The following NAV2 variants were observed in gnomAD, a reference collection of about 807,000 sequenced individuals.
NAV2 encodes neuron navigator 2.
NAV2 carries 54 observed loss-of-function variants against 223.2 expected under a neutral mutation model. The observed-to-expected ratio is 0.24, with a 90% CI of 0.19 to 0.30. The LOEUF is 0.30. NAV2 is among the 10% of genes least tolerant of loss of function. NAV2 has a pLI of 1.00. For missense variants in NAV2, 2,806 were observed against 3,147.5 expected (o/e 0.89, Z 2.60); for synonymous variants, 1,279 against 1,239.3 (o/e 1.03, Z -0.67).
intron 1 of NAV2, among the ~76,000 whole-genome samples, chr11:19,576,067 T>C (rs906234689): frequency 6.6e-6 from 1 of 152,182 alleles, no homozygotes; most frequent in Non-Finnish European, 1.5e-5. Context: ...TCACATCTAG[T>C]GTATGGCAGA....
intron 17 of NAV2, among the ~76,000 whole-genome samples, chr11:20,051,537 G>GT (rs2058009500): frequency 6.6e-6 from 1 of 152,182 alleles, no homozygotes; most frequent in Non-Finnish European, 1.5e-5. Flanking sequence ...AGCAGGGGCT[G>GT]TGCTTTTTCA....
chr11:19,691,651 T>TC (rs2049177976), intron 1 of NAV2, among the ~76,000 whole-genome samples: 1 of 152,216 alleles, frequency 6.6e-6, no homozygotes, highest in African/African-American at 2.4e-5. Context: ...CACTGCAAGC[T>TC]CCGCCTCTCA....
At position 19,713,570 on chromosome 11, in the gene NAV2, G is replaced by A. The variant is rs954297195; in HGVS notation, c.-126G>A. On this transcript the variant is annotated 5_prime_UTR_variant, in exon 1 of 38. Transcript: ENST00000349880. The surrounding 1 kb of genome is among the most constrained non-coding windows in gnomAD (Gnocchi z 7.2). ...CCCCGACCTGGGGATTTTTTTTTTA[G>A]CCGCTGGTGGTGGGCGCCTCGTGGG... 6 of 1,395,736 alleles carry A rather than the reference G, an allele frequency of 4.3e-6. No homozygotes were observed. The highest frequency in any genetic ancestry group is 5.6e-6 in the Non-Finnish European group (6 of 1,074,666). The allele number at this position is 1,395,736 out of a possible 1,614,324, so 86.5% of individuals were successfully genotyped here. A position where few individuals can be genotyped will look rare whatever the true frequency, so the allele number is the denominator to read the frequency against.
chr11:19,904,402 G>T (rs939637736), intron 6 of NAV2, among the ~76,000 whole-genome samples: 13 of 151,610 alleles, frequency 8.6e-5, no homozygotes, highest in African/African-American at 2.9e-4. Context: ...TGTGGTAACT[G>T]GTCTTATAAA....
At chr11:19,392,635 A>G (rs1349426648) in intron 1 of NAV2, among the ~76,000 whole-genome samples, 1 of 152,212 alleles carries the variant, frequency 6.6e-6, no homozygotes, top group Non-Finnish European at 1.5e-5. Context: ...GAAGTCACTC[A>G]GCATCACTTC....
chr11:19,857,604 G>A (rs916934023), intron 3 of NAV2, among the ~76,000 whole-genome samples: 3 of 152,184 alleles, frequency 2.0e-5, no homozygotes, highest in Non-Finnish European at 4.4e-5. Flanking sequence ...TCCAACAAGT[G>A]TCTGTAGTCC....
At chr11:19,639,070 G>C (rs1344449018) in intron 1 of NAV2, among the ~76,000 whole-genome samples, 1 of 152,196 alleles carries the variant, frequency 6.6e-6, no homozygotes, top group Non-Finnish European at 1.5e-5. Context: ...GCAGGCTTAA[G>C]ACTGCTATCC....
At chr11:19,967,088 C>T (rs1444021345) in intron 10 of NAV2, among the ~76,000 whole-genome samples, 1 of 152,144 alleles carries the variant, frequency 6.6e-6, no homozygotes, top group African/African-American at 2.4e-5. Flanking sequence ...ATGTGATTGT[C>T]CCCATCTTAC....
chr11:19,696,993 C>T lies in NAV2; in HGVS notation c.76-135491C>T, dbSNP rs80050063. Among the ~76,000 whole-genome samples, 17 of 152,310 alleles carry T rather than the reference C, an allele frequency of 1.1e-4. No individual in the cohort carries two copies. The East Asian group carries it at 3.1e-3, about 28-fold the overall frequency. Reference sequence around the variant, plus strand: ...ACTGAGGCATAGATTGGTTGAGTCGCTTGCCCGAGGTTACACAGCATTGTG... The same window carrying T: ...ACTGAGGCATAGATTGGTTGAGTCGTTTGCCCGAGGTTACACAGCATTGTG... On this transcript the variant is annotated intron_variant, in intron 1 of 37. Transcript: ENST00000360655.
intron 3 of NAV2, among the ~76,000 whole-genome samples, chr11:19,860,319 C>T (rs1488268536): frequency 3.1e-5 from 4 of 130,954 alleles, no homozygotes; most frequent in African/African-American, 6.2e-5. Flanking sequence ...TCAGACAGGG[C>T]GGTTGCCAGG....
In NAV2 at chr11:20,000,889, A is replaced by G. The variant is rs7114900; in HGVS notation, c.2768+16642A>G. ...GCACTGTCTCTCTGCTCTCACTGCTACTGTCCTGCTGTGCCCGTCCTGTTA... is the reference window on the plus strand; with the variant it reads ...GCACTGTCTCTCTGCTCTCACTGCTGCTGTCCTGCTGTGCCCGTCCTGTTA... On this transcript the variant is annotated intron_variant, in intron 11 of 37. Transcript: ENST00000349880. 2.0e-5 allele frequency among the ~76,000 whole-genome samples: 3 copies of G among 152,102 alleles called. No individual in the cohort carries two copies. In the South Asian group the frequency reaches 6.2e-4, roughly 32 times the overall value.
chr11:19,445,179 C>T (rs1366511132), intron 1 of NAV2, among the ~76,000 whole-genome samples: 1 of 152,092 alleles, frequency 6.6e-6, no homozygotes, highest in Non-Finnish European at 1.5e-5. Context: ...AACAGACAGT[C>T]AAACACGGGA....
chr11:19,575,824 TG>T lies in NAV2; in HGVS notation c.75+224798del, dbSNP rs1825221273. 2.6e-5 allele frequency among the ~76,000 whole-genome samples: 4 copies of T among 152,166 alleles called. No individual in the cohort carries two copies. In the South Asian group the frequency reaches 8.3e-4, roughly 31 times the overall value. ...TGGCATCTCATTCATTCAGCAAATG[TG>T]TATTGAAGGTCACTGTACCAGGCAC... On this transcript the variant is annotated intron_variant, in intron 1 of 37. Coordinates refer to the NAV2 transcript ENST00000360655.
At chr11:19,385,319 A>G (rs2133164014) in intron 1 of NAV2, among the ~76,000 whole-genome samples, 2 of 151,778 alleles carry the variant, frequency 1.3e-5, no homozygotes, top group Non-Finnish European at 2.9e-5. Flanking sequence ...ATGTTTATTC[A>G]TTCATGCACT....
intron 1 of NAV2, among the ~76,000 whole-genome samples, chr11:19,458,735 A>G (rs895790636): frequency 6.6e-6 from 1 of 152,252 alleles, no homozygotes; most frequent in Admixed American, 6.5e-5. Flanking sequence ...AGTTCTCTAC[A>G]CATGTGAAGA....
At chr11:20,045,754 C>T (rs1174575280) in intron 14 of NAV2, 84 bp downstream of exon 14, 4 of 1,176,422 alleles carry the variant, frequency 3.4e-6, no homozygotes, top group East Asian at 2.5e-5. Context: ...GTTGAAGCAC[C>T]CTCTGTTTTT....
At chr11:19,715,344 C>T (rs1450430737) in intron 1 of NAV2, among the ~76,000 whole-genome samples, 1 of 152,158 alleles carries the variant, frequency 6.6e-6, no homozygotes, top group Non-Finnish European at 1.5e-5. Context: ...GGGTTTTGTG[C>T]TCTGCTCTTC....
At chr11:19,422,294 G>A (rs756325071) in intron 1 of NAV2, among the ~76,000 whole-genome samples, 3 of 152,208 alleles carry the variant, frequency 2.0e-5, no homozygotes, top group Non-Finnish European at 4.4e-5. Context: ...TCTCTGCTGG[G>A]CTGATCCAGC....
rs1349042268 is a variant in NAV2 at position 20,093,452 on chromosome 11, A to G, written c.5916+253A>G. The stretch of plus-strand genomic sequence containing the variant: ...AAAAATGGTCCCACGTTTCACTTTC[A>G]TGTAATTAACTAAACACTAACATCC... On this transcript the variant is annotated intron_variant, in intron 29 of 37. Transcript: ENST00000349880. 2.0e-5 allele frequency among the ~76,000 whole-genome samples: 3 copies of G among 152,172 alleles called. No individual in the cohort carries two copies. The East Asian group carries it at 5.8e-4, about 29-fold the overall frequency.
Sources: allele counts gnomAD v4.1 joint callset (sites outside exome capture counted in the v4.1 genomes callset), GRCh38; gene constraint gnomAD v4.1.1; non-coding constraint Gnocchi (gnomAD v3.1); transcripts MANE v1.5; gene names NCBI Gene and HGNC (gene_info 2026-07-23, HGNC 2026-07-21).